The following EPC1 variants were observed in gnomAD, a reference collection of about 807,000 sequenced individuals.
EPC1 encodes the protein enhancer of polycomb 1, also known as enhancer of polycomb homolog 1.
A neutral mutation model predicts 98.4 loss-of-function variants in EPC1; 12 were observed. The observed-to-expected ratio is 0.12, with a 90% confidence interval of 0.08 to 0.20. The LOEUF (loss-of-function observed/expected upper bound fraction) is 0.20. Among genes scored for constraint, EPC1 ranks in the 10% least tolerant of loss-of-function variants. EPC1 has a pLI of 1.00. For synonymous variants in EPC1, 357 were observed against 363.9 expected, an observed-to-expected ratio of 0.98 and a Z score of 0.21; for missense variants, 729 against 990.5, an observed-to-expected ratio of 0.74 and a Z score of 3.54.
At chr10:32,346,540 C>T in intron 1 of EPC1, 1 of 553,488 alleles carries the variant, frequency 1.8e-6, no homozygotes. Flanking sequence ...GACCCGGGTA[C>T]AAGTGGCCAG....
intron 10 of EPC1, 51 bp from the exon 11 acceptor site, chr10:32,273,332 T>C (rs1383489066): frequency 1.9e-6 from 3 of 1,580,488 alleles, no homozygotes; most frequent in East Asian, 4.6e-5. Flanking sequence ...CTGTCATGTA[T>C]GTCTTACAGT....
chr10:32,332,957 A>T (rs1233472277), intron 1 of EPC1, among the ~76,000 whole-genome samples: 1 of 152,164 alleles, frequency 6.6e-6, no homozygotes, highest in Non-Finnish European at 1.5e-5. Flanking sequence ...TAGAAAAGTG[A>T]GGTAGATGTT....
chr10:32,362,252 T>A (rs1271388751), intron 1 of EPC1, among the ~76,000 whole-genome samples: 3 of 152,086 alleles, frequency 2.0e-5, no homozygotes, highest in Non-Finnish European at 4.4e-5. Flanking sequence ...AACAAAAGCA[T>A]GTGATATAGT....
intron 2 of EPC1, among the ~76,000 whole-genome samples, chr10:32,294,495 C>T (rs780378556): frequency 5.1e-4 from 77 of 152,270 alleles, no homozygotes; most frequent in African/African-American, 1.8e-3. Context: ...ATTTTCCACA[C>T]GTGGAATCAC....
At chr10:32,281,972 A>C (rs1438497172) in intron 10 of EPC1, 1 of 150,366 alleles carries the variant, frequency 6.7e-6, no homozygotes, top group Non-Finnish European at 1.5e-5. Flanking sequence ...CACTTGGCCT[A>C]AATTTTGTTT....
chr10:32,284,568 ATT>A, intron 10 of EPC1, 128 bp downstream of exon 10: 1 of 667,318 alleles, frequency 1.5e-6, no homozygotes. Flanking sequence ...TTAGACCAAG[ATT>A]TTTTTTTTAA....
At chr10:32,283,278 T>C (rs1162689590) in intron 10 of EPC1, 1 of 152,116 alleles carries the variant, frequency 6.6e-6, no homozygotes, top group Non-Finnish European at 1.5e-5. Flanking sequence ...GATGATCCAC[T>C]TACACTTAAT....
chr10:32,308,530 A>G (rs985271027), intron 1 of EPC1, among the ~76,000 whole-genome samples: 6 of 152,196 alleles, frequency 3.9e-5, no homozygotes, highest in African/African-American at 1.4e-4. Flanking sequence ...GTTTATTTTT[A>G]CATCTGTAAT....
At chr10:32,370,090 GA>G (rs1429320247) in intron 1 of EPC1, among the ~76,000 whole-genome samples, 1 of 152,096 alleles carries the variant, frequency 6.6e-6, no homozygotes, top group Non-Finnish European at 1.5e-5. Context: ...TTAAAAACTG[GA>G]ATTAACTTCT....
At chr10:32,271,408 T>C in intron 13 of EPC1, 146 bp downstream of exon 13, 3 of 933,860 alleles carry the variant, frequency 3.2e-6, no homozygotes, top group Non-Finnish European at 4.8e-6. Flanking sequence ...AGTTCTTGAA[T>C]AAATAAGTGA....
chr10:32,276,341 T>C (rs1836094004), intron 10 of EPC1, among the ~76,000 whole-genome samples: 1 of 152,044 alleles, frequency 6.6e-6, no homozygotes, highest in Admixed American at 6.6e-5. Context: ...TGAAACCCCG[T>C]CTCTACCAAA....
chr10:32,349,321 T>C (rs1839042191), upstream of EPC1, among the ~76,000 whole-genome samples: 1 of 152,192 alleles, frequency 6.6e-6, no homozygotes, highest in East Asian at 1.9e-4. Flanking sequence ...CATCCTACAT[T>C]AGTAATAATG....
At chr10:32,377,829 G>T (rs762521011) in intron 1 of EPC1, among the ~76,000 whole-genome samples, 4 of 151,758 alleles carry the variant, frequency 2.6e-5, no homozygotes, top group South Asian at 2.1e-4. Flanking sequence ...TTAGAAAAAT[G>T]CCAAAAATTA....
In EPC1 at chr10:32,347,111, C is replaced by G. The variant is rs1838898188; in HGVS notation, c.-196G>C. The G allele has an allele frequency of 1.4e-6, 2 of 1,436,266 alleles. No homozygotes were observed. The highest frequency in any genetic ancestry group is 1.8e-6 in the Non-Finnish European group (2 of 1,100,418). The allele number at this position is 1,436,266 out of a possible 1,614,324, so 89.0% of individuals were successfully genotyped here. A position where few individuals can be genotyped will look rare whatever the true frequency, so the allele number is the denominator to read the frequency against. ...CCGCTCCGCTCCTCTCTCGCTCGCT[C>G]TCTTCAATACGCCATGGCCAACATG... is the stretch of plus-strand genomic sequence containing the variant. On this transcript the variant is annotated 5_prime_UTR_variant, in exon 1 of 14. Coordinates refer to ENST00000319778, the MANE Select transcript of EPC1 (RefSeq NM_001272004.3).
chr10:32,367,917 A>G (rs988715390), intron 1 of EPC1, among the ~76,000 whole-genome samples: 2 of 152,238 alleles, frequency 1.3e-5, no homozygotes, highest in African/African-American at 4.8e-5. Context: ...AAGTAGCCTT[A>G]TAAATGTAAA....
chr10:32,310,253 T>C (rs868039565), intron 1 of EPC1, among the ~76,000 whole-genome samples: 74 of 152,186 alleles, frequency 4.9e-4, no homozygotes, highest in African/African-American at 1.4e-3. Flanking sequence ...GGTATTTGAA[T>C]GTTGGCTCCA....
chr10:32,337,217 C>T (rs188486058), intron 1 of EPC1, among the ~76,000 whole-genome samples: 8 of 152,326 alleles, frequency 5.3e-5, no homozygotes, highest in East Asian at 1.9e-4. Context: ...AATCTGGCCT[C>T]GGCCTCACTA....
chr10:32,304,627 CCT>C (rs796344970), intron 2 of EPC1, among the ~76,000 whole-genome samples: 15 of 152,136 alleles, frequency 9.9e-5, no homozygotes, highest in African/African-American at 3.6e-4. Flanking sequence ...CCTAGAAAAA[CCT>C]CTTGATCAGG....
intron 6 of EPC1, 66 bp downstream of exon 6, chr10:32,291,097 A>T: frequency 6.8e-7 from 1 of 1,475,796 alleles, no homozygotes; most frequent in Non-Finnish European, 9.3e-7. Context: ...TTTCTTTTTA[A>T]CTTTCATTCT....
Sources: gnomAD v4.1 joint callset for allele counts (sites outside exome capture counted in the v4.1 genomes callset) on GRCh38, gnomAD v4.1.1 for gene constraint, MANE v1.5 for transcripts, NCBI Gene and HGNC (gene_info 2026-07-23, HGNC 2026-07-21) for gene names.